Variants in ACVR1 observed in about 807,000 individuals in gnomAD.
ACVR1 encodes the protein activin A receptor type 1.
In ACVR1, 38 loss-of-function variants were observed where a neutral mutation model predicts 57.1. The ratio of observed to expected loss-of-function variants is 0.67; its 90% CI spans 0.51 to 0.87. The LOEUF (loss-of-function observed/expected upper bound fraction) is 0.87. Ranked by LOEUF, ACVR1 falls within the 40% of genes least tolerant of loss-of-function variation. The probability of loss-of-function intolerance (pLI) is 0.00; values close to 1 mark genes in which losing one functional copy is unlikely to be tolerated. For synonymous variants in ACVR1, 212 were observed against 228.1 expected, an observed-to-expected ratio of 0.93 and a Z score of 0.63; for missense variants, 463 against 638.2, an observed-to-expected ratio of 0.73 and a Z score of 2.96.
At chr2:157,866,257 GA>G (rs1288139887) in intron 1 of ACVR1, among the ~76,000 whole-genome samples, 1 of 152,120 alleles carries the variant, frequency 6.6e-6, no homozygotes, top group African/African-American at 2.4e-5. Flanking sequence ...CCTCCTGGAA[GA>G]TTTCCATGTA....
At chr2:157,799,325 A>C in intron 3 of ACVR1, 102 bp downstream of exon 3, 2 of 758,602 alleles carry the variant, frequency 2.6e-6, no homozygotes, top group Middle Eastern at 2.5e-4. Context: ...TATTATAAAA[A>C]GAGTGTTTTA....
intron 2 of ACVR1, among the ~76,000 whole-genome samples, chr2:157,801,263 G>A (rs1007904245): frequency 1.3e-5 from 2 of 152,148 alleles, no homozygotes; most frequent in African/African-American, 4.8e-5. Flanking sequence ...ATGTTAGCGT[G>A]GACATGATTT....
Position 157,738,504 on chromosome 2 carries a change from A to G in ACVR1, c.1331T>C (p.Met444Thr), listed in dbSNP as rs1485718076. 2 of 1,613,980 alleles carry G rather than the reference A, an allele frequency of 1.2e-6. No homozygotes were observed. The highest frequency in any genetic ancestry group is 1.3e-5 in the African/African-American group (1 of 74,918). The change falls in exon 10 of 11, where the codon ATG becomes ACG. Residue 444 changes from methionine to threonine, a missense_variant. Met to Thr is a moderately conservative substitution (Grantham distance 81). This residue lies in a region of ACVR1 where 146 missense variants were observed against 186.6 expected (regional missense o/e 0.78). Transcript: ENST00000434821. ...TTGATCCACACAGACTACCTTCCTC[A>G]TATCTTCAAAACTTGGGTCATTGGG... ...VVPNDPSFED[M>T]RKVVCVDQQR...
chr2:157,757,021 G>GAT (rs765313619), intron 9 of ACVR1, among the ~76,000 whole-genome samples: 3,506 of 106,318 alleles, frequency 0.033, 58 homozygotes, highest in South Asian at 0.049. Flanking sequence ...ATATATATTT[G>GAT]ATATATATAT....
intron 1 of ACVR1, among the ~76,000 whole-genome samples, chr2:157,864,371 T>C (rs1391092352): frequency 2.0e-5 from 3 of 151,946 alleles, no homozygotes; most frequent in African/African-American, 7.3e-5. Flanking sequence ...CCACCACACC[T>C]TACTAATTTT....
At position 157,875,971 on chromosome 2, in the gene ACVR1, G is replaced by T. The variant is rs1401386679; in HGVS notation, c.-358C>A. 6.7e-6 allele frequency: 1 copy of T among 150,258 alleles called. No homozygotes were observed. Among genetic ancestry groups the T allele is most frequent in the Admixed American group, 6.7e-5 (1 of 14,966 alleles). 9.3% of individuals were successfully genotyped at this position (150,258 alleles called of 1,614,324 possible). On this transcript the variant is annotated 5_prime_UTR_variant, in exon 1 of 11. Coordinates refer to ENST00000434821, the MANE Select transcript of ACVR1 (RefSeq NM_001111067.4). ...GGGGGCCGAGGGCCGGCCCAGAGCG[G>T]CGGCGGCTGCGGTGGCTGCAGCGGA...
chr2:157,823,714 C>T (rs532759175), intron 1 of ACVR1, among the ~76,000 whole-genome samples: 3 of 152,234 alleles, frequency 2.0e-5, no homozygotes, highest in East Asian at 1.9e-4. Flanking sequence ...CCAGACTACA[C>T]GTTTGAAGAT....
chr2:157,785,098 A>T (rs1270855628), intron 3 of ACVR1, among the ~76,000 whole-genome samples: 1 of 152,224 alleles, frequency 6.6e-6, no homozygotes, highest in Admixed American at 6.5e-5. Flanking sequence ...GACATAAAAG[A>T]CAAATAAGAA....
At chr2:157,744,765 C>T (rs547732898) in intron 9 of ACVR1, among the ~76,000 whole-genome samples, 233 of 152,280 alleles carry the variant, frequency 1.5e-3, no homozygotes, top group Non-Finnish European at 2.7e-3. Flanking sequence ...TTTCTCATGC[C>T]ACGGCACAGA....
intron 9 of ACVR1, among the ~76,000 whole-genome samples, chr2:157,746,694 T>C (rs1684978729): frequency 6.6e-6 from 1 of 152,244 alleles, no homozygotes; most frequent in Non-Finnish European, 1.5e-5. Flanking sequence ...GGAATCTGTG[T>C]CTTCAGTACT....
chr2:157,825,643 T>C (rs1688317776), intron 1 of ACVR1, among the ~76,000 whole-genome samples: 1 of 152,204 alleles, frequency 6.6e-6, no homozygotes, highest in African/African-American at 2.4e-5. Context: ...CCTGGTGATC[T>C]GATGTAAACA....
intron 3 of ACVR1, among the ~76,000 whole-genome samples, chr2:157,787,350 T>C (rs1459777956): frequency 1.3e-5 from 2 of 152,232 alleles, no homozygotes; most frequent in East Asian, 3.8e-4. Context: ...TCATTCTGTC[T>C]TCAAACTTCT....
chr2:157,781,056 T>C (rs1048317230), intron 3 of ACVR1, among the ~76,000 whole-genome samples: 7 of 152,180 alleles, frequency 4.6e-5, no homozygotes, highest in Admixed American at 4.6e-4. Flanking sequence ...TTTTGCTAGC[T>C]CTGTACAAAT....
intron 3 of ACVR1, among the ~76,000 whole-genome samples, chr2:157,788,146 A>G (rs1353162872): frequency 6.6e-6 from 1 of 152,166 alleles, no homozygotes; most frequent in Non-Finnish European, 1.5e-5. Flanking sequence ...CCCCTTCCCT[A>G]GCTCCACAAC....
rs1451318131 is a variant in ACVR1, at chr2:157,811,112, G to A, written c.-8+7273C>T. Among the ~76,000 whole-genome samples, 5 of 152,118 alleles carry A rather than the reference G, an allele frequency of 3.3e-5. No homozygotes were observed. The East Asian group carries it at 9.7e-4, about 30-fold the overall frequency. On this transcript the variant is annotated intron_variant, in intron 2 of 10. Transcript: ENST00000434821. ...GTGTTGTGACCACCTTCTTCCCTTG[G>A]CTTCCTCCCTAGCTGGGATTTGTGG...
At chr2:157,847,738 T>C (rs1028202268) in intron 1 of ACVR1, among the ~76,000 whole-genome samples, 2 of 152,074 alleles carry the variant, frequency 1.3e-5, no homozygotes, top group Admixed American at 6.5e-5. Context: ...AGTAATACTA[T>C]GGGAACACAG....
intron 5 of ACVR1, among the ~76,000 whole-genome samples, chr2:157,775,396 G>A (rs534433295): frequency 6.6e-5 from 10 of 152,182 alleles, no homozygotes; most frequent in Non-Finnish European, 1.0e-4. Context: ...ATATTGTGCC[G>A]ATGGGTGATA....
chr2:157,805,820 C>CTTTTTTTTT (rs1222482675), intron 2 of ACVR1, among the ~76,000 whole-genome samples: 29 of 30,176 alleles, frequency 9.6e-4, no homozygotes, highest in African/African-American at 1.3e-3. Context: ...TTTCTTTTTT[C>CTTTTTTTTT]TTTTTTTTTT....
At chr2:157,758,554 C>A (rs996783205) in intron 9 of ACVR1, among the ~76,000 whole-genome samples, 9 of 151,912 alleles carry the variant, frequency 5.9e-5, no homozygotes, top group African/African-American at 2.2e-4. Context: ...TTATACAAAG[C>A]AAATATTATT....
Sources: gnomAD v4.1 joint callset for allele counts (sites outside exome capture counted in the v4.1 genomes callset) on GRCh38, gnomAD v4.1.1 for gene constraint, gnomAD v4.1.1 regional missense constraint, MANE v1.5 for transcripts, NCBI Gene and HGNC (gene_info 2026-07-23, HGNC 2026-07-21) for gene names.